Variants in TSPEAR observed in about 807,000 individuals in gnomAD.
TSPEAR encodes thrombospondin-type laminin G domain and EAR repeat-containing protein.
A neutral mutation model predicts 71.6 loss-of-function variants in TSPEAR; 69 were observed. The ratio of observed to expected loss-of-function variants is 0.96; its 90% CI spans 0.79 to 1.18. The LOEUF (loss-of-function observed/expected upper bound fraction) is 1.18. Ranked by LOEUF, TSPEAR falls within the 50% of genes most tolerant of loss-of-function variation. The pLI, the probability that TSPEAR is intolerant of heterozygous loss-of-function variation, is 0.00. For missense variants in TSPEAR, 971 were observed against 894.9 expected (o/e 1.09, Z -1.09); for synonymous variants, 402 against 387.2 (o/e 1.04, Z -0.45).
intron 5 of TSPEAR, among the ~76,000 whole-genome samples, chr21:44,529,116 G>A (rs73379232): frequency 0.032 from 4,868 of 152,280 alleles, 261 homozygotes; most frequent in African/African-American, 0.11. Context: ...CGGCCCGGAT[G>A]TGTTGGAGGT....
At chr21:44,600,740 G>C in intron 1 of TSPEAR, 1 of 1,611,114 alleles carries the variant, frequency 6.2e-7, no homozygotes, top group South Asian at 1.1e-5. Context: ...TGCCCAGAGA[G>C]CTGCTGCGAG....
chr21:44,576,653 G>A lies in TSPEAR; in HGVS notation c.83-8648C>T, dbSNP rs79658061. Among the ~76,000 whole-genome samples the A allele has an allele frequency of 8.6e-3, 1,306 of 152,336 alleles. 21 individuals carry two copies. Among genetic ancestry groups the A allele is most frequent in the African/African-American group, 0.028 (1,184 of 41,576 alleles). ...GTGGAAGAGTCTTCATTAAACTACA[G>A]TGCTGTTTCCCTTCACGTGAGCTGA... On this transcript the variant is annotated intron_variant, in intron 1 of 11. Transcript: ENST00000323084.
At chr21:44,606,784 G>A (rs2146164321) in intron 1 of TSPEAR, among the ~76,000 whole-genome samples, 1 of 152,296 alleles carries the variant, frequency 6.6e-6, no homozygotes, top group African/African-American at 2.4e-5. Flanking sequence ...AAGACAAATG[G>A]CATGATTTGT....
intron 2 of TSPEAR, among the ~76,000 whole-genome samples, chr21:44,543,777 C>T (rs1447192363): frequency 1.3e-5 from 2 of 152,222 alleles, no homozygotes; most frequent in Non-Finnish European, 2.9e-5. Flanking sequence ...TCCCTTGGAG[C>T]TCGGAGAAAG....
chr21:44,540,573 T>A (rs1167799262), intron 2 of TSPEAR, among the ~76,000 whole-genome samples: 1 of 152,162 alleles, frequency 6.6e-6, no homozygotes, highest in East Asian at 1.9e-4. Context: ...CCACTCACGA[T>A]CGTGGGGGCG....
chr21:44,586,913 C>A (rs1979374016), intron 1 of TSPEAR, among the ~76,000 whole-genome samples: 1 of 152,208 alleles, frequency 6.6e-6, no homozygotes, highest in Non-Finnish European at 1.5e-5. Context: ...CCATCTATGA[C>A]AAACCCACAG....
chr21:44,572,521 G>C (rs1339184720), intron 1 of TSPEAR, among the ~76,000 whole-genome samples: 2 of 152,096 alleles, frequency 1.3e-5, no homozygotes, highest in African/African-American at 4.8e-5. Flanking sequence ...CTGCTGTCCT[G>C]TGCTACCCTC....
At chr21:44,708,346 G>T (rs1108261) in intron 1 of TSPEAR, among the ~76,000 whole-genome samples, 34,420 of 151,982 alleles carry the variant, frequency 0.23, 4,433 homozygotes, top group Admixed American at 0.31. Flanking sequence ...GGTGTCGCTG[G>T]CACACAGCCT....
At chr21:44,615,714 C>A (rs1982047243) in intron 1 of TSPEAR, among the ~76,000 whole-genome samples, 1 of 151,828 alleles carries the variant, frequency 6.6e-6, no homozygotes, top group Non-Finnish European at 1.5e-5. Flanking sequence ...TGGCCAACTT[C>A]TATATATATA....
At chr21:44,501,194 A>AATC (rs1172267031) in intron 11 of TSPEAR, among the ~76,000 whole-genome samples, 1 of 152,200 alleles carries the variant, frequency 6.6e-6, no homozygotes, top group Non-Finnish European at 1.5e-5. Context: ...TTACGCCTAT[A>AATC]ATCTCAGCAC....
chr21:44,627,885 G>A (rs782779310), intron 1 of TSPEAR: 73 of 1,610,506 alleles, frequency 4.5e-5, no homozygotes, highest in Non-Finnish European at 5.8e-5. Context: ...GCCGCCCTGT[G>A]TGCAGGCCCG....
At chr21:44,579,527 T>C (rs1978723312) in intron 1 of TSPEAR, 2 of 594,422 alleles carry the variant, frequency 3.4e-6, no homozygotes, top group Non-Finnish European at 3.0e-6. Context: ...CCAAGTGACA[T>C]GGGGCAGAGA....
intron 1 of TSPEAR, among the ~76,000 whole-genome samples, chr21:44,674,589 T>C (rs1221069346): frequency 6.6e-6 from 1 of 152,078 alleles, no homozygotes; most frequent in Non-Finnish European, 1.5e-5. Context: ...TGGTGGCACA[T>C]GCCTGTAGTC....
In TSPEAR at chr21:44,528,555, G is replaced by C. The variant is rs1302369762; in HGVS notation, c.819C>G (p.Pro273=). The C allele has an allele frequency of 6.2e-7, 1 of 1,613,948 alleles. No individual in the cohort carries two copies. Among genetic ancestry groups the C allele is most frequent in the African/African-American group, 1.3e-5 (1 of 74,936 alleles). Residue 273 remains proline, a synonymous_variant, in exon 6 of 12, where the codon CCC becomes CCG. Coordinates refer to ENST00000323084, the MANE Select transcript of TSPEAR (RefSeq NM_144991.3). The part of the protein sequence containing the change: ...YETNIRVTLG[P]QPPCTEVEDA... ...CTTCCACCTCGGTACACGGTGGCTG[G>C]GGTCCCAGCGTCACTCGAATGTTGG...
At chr21:44,576,992 T>C (rs587748841) in intron 1 of TSPEAR, among the ~76,000 whole-genome samples, 7 of 152,278 alleles carry the variant, frequency 4.6e-5, no homozygotes, top group African/African-American at 1.7e-4. Context: ...GAAAGACACT[T>C]AGAAAACTGC....
chr21:44,684,364 T>C (rs374378689), intron 1 of TSPEAR, among the ~76,000 whole-genome samples: 86 of 152,100 alleles, frequency 5.7e-4, no homozygotes, highest in Middle Eastern at 3.4e-3. Context: ...CAAGAGCACA[T>C]CTCTACAGAA....
chr21:44,656,391 T>C (rs797042900), intron 1 of TSPEAR, among the ~76,000 whole-genome samples: 2 of 152,214 alleles, frequency 1.3e-5, no homozygotes, highest in African/African-American at 4.8e-5. Flanking sequence ...GCTTTTGCTC[T>C]TCTGAACAGG....
At chr21:44,689,016 G>A (rs1361963983) in intron 1 of TSPEAR, among the ~76,000 whole-genome samples, 1 of 152,088 alleles carries the variant, frequency 6.6e-6, no homozygotes, top group Non-Finnish European at 1.5e-5. Context: ...TAGAGCACCA[G>A]GCCAACCTCC....
intron 1 of TSPEAR, chr21:44,697,926 G>T (rs782691238): frequency 1.2e-6 from 2 of 1,611,506 alleles, no homozygotes; most frequent in Non-Finnish European, 1.7e-6. Context: ...ACATGTTCCC[G>T]CCTGGCCTGC....
Sources: gnomAD v4.1 joint callset for allele counts (sites outside exome capture counted in the v4.1 genomes callset) on GRCh38, gnomAD v4.1.1 for gene constraint, MANE v1.5 for transcripts, NCBI Gene and HGNC (gene_info 2026-07-23, HGNC 2026-07-21) for gene names.